The following AKR1C8 variants were observed in gnomAD, a reference collection of about 807,000 sequenced individuals.
AKR1C8 encodes aldo-keto reductase family 1 member C8, also known as aldo-keto reductase family 1 member C-like protein 1.
chr10:5,122,181 G>A, the AKR1C8 span: 29 of 380,616 alleles, frequency 7.6e-5, no homozygotes, highest in South Asian at 1.5e-4. Flanking sequence ...AAAGGCAGGC[G>A]ATACTCACAT....
chr10:5,174,415 G>C, the AKR1C8 span, among the ~76,000 whole-genome samples: 3 of 151,796 alleles, frequency 2.0e-5, no homozygotes, highest in African/African-American at 7.3e-5. Context: ...AAAAGTATTG[G>C]TAAAATACAA....
chr10:5,136,861 A>G, the AKR1C8 span, among the ~76,000 whole-genome samples: 1 of 152,190 alleles, frequency 6.6e-6, no homozygotes, highest in South Asian at 2.1e-4. Context: ...ATCAGACGAA[A>G]TAACATTTAG....
chr10:5,159,907 G>T, the AKR1C8 span: 4 of 521,242 alleles, frequency 7.7e-6, no homozygotes, highest in Non-Finnish European at 1.6e-5. Context: ...GCTTGTACTT[G>T]AGCCCTGGCT....
At chr10:5,162,068 A>C in the AKR1C8 span, 1 of 440,158 alleles carries the variant, frequency 2.3e-6, no homozygotes, top group Non-Finnish European at 4.6e-6. Context: ...ATGAGTCTTA[A>C]AACACTGTGG....
At chr10:5,174,855 A>G in the AKR1C8 span, among the ~76,000 whole-genome samples, 1 of 152,134 alleles carries the variant, frequency 6.6e-6, no homozygotes, top group African/African-American at 2.4e-5. Context: ...ACAGGTTGTG[A>G]AAAGTTATAA....
chr10:5,180,457 G>A, the AKR1C8 span, among the ~76,000 whole-genome samples: 7 of 152,252 alleles, frequency 4.6e-5, no homozygotes, highest in South Asian at 4.1e-4. Flanking sequence ...CAGTCTGCCT[G>A]TTCTCAGAGC....
At chr10:5,159,235 G>A in the AKR1C8 span, among the ~76,000 whole-genome samples, 2 of 152,284 alleles carry the variant, frequency 1.3e-5, no homozygotes, top group African/African-American at 2.4e-5. Flanking sequence ...AATTCGCATG[G>A]CATTAATCAA....
chr10:5,133,409 T>A, the AKR1C8 span, among the ~76,000 whole-genome samples: 1 of 152,184 alleles, frequency 6.6e-6, no homozygotes, highest in East Asian at 1.9e-4. Context: ...TTATTTTTAA[T>A]ATAGTGAAAT....
At chr10:5,134,330 A>G in the AKR1C8 span, among the ~76,000 whole-genome samples, 997 of 152,300 alleles carry the variant, frequency 6.5e-3, 11 homozygotes, top group African/African-American at 0.023. Flanking sequence ...AATTCTTACA[A>G]TGTACAGTTG....
the AKR1C8 span, among the ~76,000 whole-genome samples, chr10:5,162,128 A>C: frequency 1.3e-5 from 2 of 152,338 alleles, no homozygotes; most frequent in Non-Finnish European, 2.9e-5. Flanking sequence ...AGTATAAATC[A>C]AGTCCTTGCT....
the AKR1C8 span, among the ~76,000 whole-genome samples, chr10:5,120,697 T>G: frequency 1.3e-5 from 2 of 152,150 alleles, no homozygotes; most frequent in Non-Finnish European, 2.9e-5. Context: ...TTTTTGTTCG[T>G]TCAAAAATGT....
chr10:5,173,419 G>C, the AKR1C8 span, among the ~76,000 whole-genome samples: 1 of 152,020 alleles, frequency 6.6e-6, no homozygotes, highest in Non-Finnish European at 1.5e-5. Flanking sequence ...GAGGAGTGGG[G>C]TTTGGGACTG....
At chr10:5,164,656 G>A in the AKR1C8 span, among the ~76,000 whole-genome samples, 1 of 152,252 alleles carries the variant, frequency 6.6e-6, no homozygotes, top group East Asian at 1.9e-4. Flanking sequence ...GCTTCCTGAA[G>A]AGGACTTCGT....
the AKR1C8 span, chr10:5,122,045 C>T: frequency 3.9e-6 from 1 of 258,138 alleles, no homozygotes; most frequent in Admixed American, 5.1e-5. Context: ...TTTTGTGCAT[C>T]CTGCAGAAAA....
At chr10:5,144,033 C>G in the AKR1C8 span, among the ~76,000 whole-genome samples, 1 of 151,976 alleles carries the variant, frequency 6.6e-6, no homozygotes, top group Non-Finnish European at 1.5e-5. Flanking sequence ...ATTGGTAACT[C>G]TATATATGAT....
At chr10:5,120,172 T>G in the AKR1C8 span, among the ~76,000 whole-genome samples, 16 of 152,208 alleles carry the variant, frequency 1.1e-4, no homozygotes, top group African/African-American at 3.9e-4. Context: ...ATGTTCCTGC[T>G]GCAGATAACT....
chr10:5,137,915 T>G, the AKR1C8 span, among the ~76,000 whole-genome samples: 24 of 152,034 alleles, frequency 1.6e-4, no homozygotes, highest in Admixed American at 1.2e-3. Flanking sequence ...ATCACATGCT[T>G]CAAAGGGCAA....
At chr10:5,119,810 T>C in the AKR1C8 span, among the ~76,000 whole-genome samples, 93 of 152,268 alleles carry the variant, frequency 6.1e-4, 1 homozygote, top group South Asian at 0.019. Context: ...AGCATTGAAA[T>C]AGAAAAAAGA....
chr10:5,162,644 C>T, the AKR1C8 span, among the ~76,000 whole-genome samples: 1 of 152,148 alleles, frequency 6.6e-6, no homozygotes, highest in African/African-American at 2.4e-5. Flanking sequence ...CCATTTTATA[C>T]ATGAATACTG....
Sources: allele counts gnomAD v4.1 joint callset (sites outside exome capture counted in the v4.1 genomes callset), GRCh38; gene constraint gnomAD v4.1.1; transcripts MANE v1.5; gene names NCBI Gene and HGNC (gene_info 2026-07-23, HGNC 2026-07-21).